Variants in TENM3 observed in about 807,000 individuals in gnomAD.
TENM3 encodes teneurin-3.
Under a neutral mutation model 255.1 loss-of-function variants are expected in TENM3, and 63 were observed. That is an observed-to-expected ratio of 0.25 (90% CI 0.20 to 0.30). The LOEUF is 0.30. Ranked by LOEUF, TENM3 falls within the 10% of genes least tolerant of loss-of-function variation. The probability of loss-of-function intolerance (pLI) is 1.00; values close to 1 mark genes in which losing one functional copy is unlikely to be tolerated. For missense variants in TENM3, 2,929 were observed against 3,461.1 expected (o/e 0.85, Z 3.86); for synonymous variants, 1,306 against 1,322.3 (o/e 0.99, Z 0.27).
the TENM3 span, among the ~76,000 whole-genome samples, chr4:182,100,628 C>CACACACATATATACACAT: frequency 0.095 from 3,477 of 36,696 alleles, 393 homozygotes; most frequent in South Asian, 0.16. Flanking sequence ...TATACACACA[C>CACACACATATATACACAT]ATATATACAC....
the TENM3 span, among the ~76,000 whole-genome samples, chr4:181,518,597 T>A: frequency 6.6e-6 from 1 of 152,098 alleles, no homozygotes; most frequent in Non-Finnish European, 1.5e-5. Context: ...CCGGATAATT[T>A]TTTGTATTTT....
the TENM3 span, among the ~76,000 whole-genome samples, chr4:181,974,285 C>T: frequency 1.3e-5 from 2 of 152,140 alleles, no homozygotes; most frequent in Admixed American, 6.5e-5. Flanking sequence ...GAATCAATGC[C>T]GGCCAGGTGC....
At chr4:182,389,741 A>G (rs1022141218) in intron 3 of TENM3, among the ~76,000 whole-genome samples, 8 of 131,580 alleles carry the variant, frequency 6.1e-5, no homozygotes, top group African/African-American at 1.4e-4. Flanking sequence ...GCTGGAGTGC[A>G]GTGGCGCGAT....
At chr4:181,944,755 C>A in the TENM3 span, among the ~76,000 whole-genome samples, 1 of 152,022 alleles carries the variant, frequency 6.6e-6, no homozygotes, top group Admixed American at 6.5e-5. Flanking sequence ...TTGCCGCCAA[C>A]GGGCCACCCT....
the TENM3 span, among the ~76,000 whole-genome samples, chr4:181,789,708 C>T: frequency 6.6e-6 from 1 of 152,070 alleles, no homozygotes; most frequent in South Asian, 2.1e-4. Flanking sequence ...GATGCAGGGT[C>T]AGGGCTGGAG....
At chr4:182,526,860 T>C (rs1052299040) in intron 3 of TENM3, among the ~76,000 whole-genome samples, 8 of 152,218 alleles carry the variant, frequency 5.3e-5, no homozygotes, top group Non-Finnish European at 8.8e-5. Flanking sequence ...GTCCTGAATC[T>C]ATGTGATGAT....
chr4:182,118,419 GT>G, the TENM3 span, among the ~76,000 whole-genome samples: 3 of 151,832 alleles, frequency 2.0e-5, no homozygotes, highest in Non-Finnish European at 2.9e-5. Flanking sequence ...AGCTGTAGGG[GT>G]TTTTTTGTAG....
At chr4:182,414,487 A>C (rs191823460) in intron 3 of TENM3, among the ~76,000 whole-genome samples, 3 of 152,212 alleles carry the variant, frequency 2.0e-5, no homozygotes, top group African/African-American at 7.2e-5. Flanking sequence ...CAGAAAAATT[A>C]GTTTTTAATA....
At chr4:182,075,787 A>G in the TENM3 span, among the ~76,000 whole-genome samples, 1 of 152,036 alleles carries the variant, frequency 6.6e-6, no homozygotes, top group African/African-American at 2.4e-5. Context: ...CTGCCGTCTC[A>G]CTCTACAAAG....
At chr4:181,807,684 G>A in the TENM3 span, among the ~76,000 whole-genome samples, 1 of 152,140 alleles carries the variant, frequency 6.6e-6, no homozygotes, top group Non-Finnish European at 1.5e-5. Flanking sequence ...ATATCTTCCA[G>A]TATAGGATTA....
the TENM3 span, among the ~76,000 whole-genome samples, chr4:181,939,348 C>G: frequency 3.3e-5 from 5 of 152,150 alleles, no homozygotes. Flanking sequence ...TGTAGCCTGT[C>G]TGTTCACCAA....
At chr4:182,321,402 G>T (rs1189090456) in intron 1 of TENM3, among the ~76,000 whole-genome samples, 1 of 152,166 alleles carries the variant, frequency 6.6e-6, no homozygotes, top group Non-Finnish European at 1.5e-5. Context: ...AAGGCAGGTG[G>T]ATCACCTGAG....
At chr4:182,050,064 C>T in the TENM3 span, among the ~76,000 whole-genome samples, 1 of 151,948 alleles carries the variant, frequency 6.6e-6, no homozygotes, top group South Asian at 2.1e-4. Context: ...ACAATCTCGG[C>T]TCCCTGCAAC....
chr4:181,725,534 G>T, the TENM3 span, among the ~76,000 whole-genome samples: 1 of 151,282 alleles, frequency 6.6e-6, no homozygotes, highest in African/African-American at 2.4e-5. Flanking sequence ...CACCTCCTGG[G>T]TTCACACCAT....
the TENM3 span, among the ~76,000 whole-genome samples, chr4:181,940,025 G>A: frequency 6.6e-6 from 1 of 152,188 alleles, no homozygotes; most frequent in Non-Finnish European, 1.5e-5. Context: ...CACGCTTTAT[G>A]CACATGTTCT....
Position 182,800,532 on chromosome 4 carries a change from G to A in TENM3, c.*181G>A. 4 of 688,686 alleles carry A rather than the reference G, an allele frequency of 5.8e-6. No homozygotes were observed. The highest frequency in any genetic ancestry group is 3.1e-5 in the East Asian group (1 of 32,406). 42.7% of individuals were successfully genotyped at this position (688,686 alleles called of 1,614,324 possible). On this transcript the variant is annotated 3_prime_UTR_variant, in exon 28 of 28. Coordinates refer to ENST00000511685, the MANE Select transcript of TENM3 (RefSeq NM_001080477.4). ...TTTCCGAATGACCTTAAAGGTGATCGGCTTTAACGAATATGTTTACATATG... is the reference window on the plus strand; with the variant it reads ...TTTCCGAATGACCTTAAAGGTGATCAGCTTTAACGAATATGTTTACATATG...
chr4:181,556,929 T>C, the TENM3 span, among the ~76,000 whole-genome samples: 1 of 152,180 alleles, frequency 6.6e-6, no homozygotes, highest in Non-Finnish European at 1.5e-5. Context: ...CTCTCCCAAC[T>C]CTTTGATTTC....
chr4:182,357,477 G>A (rs948512869), intron 3 of TENM3, among the ~76,000 whole-genome samples: 9 of 152,020 alleles, frequency 5.9e-5, no homozygotes, highest in Admixed American at 3.3e-4. Flanking sequence ...AGTGATGGTG[G>A]CATTTTTTCA....
chr4:181,504,516 T>C, the TENM3 span, among the ~76,000 whole-genome samples: 1 of 152,132 alleles, frequency 6.6e-6, no homozygotes, highest in Admixed American at 6.5e-5. Flanking sequence ...TCTCCTATTG[T>C]CTCCTCTACT....
Sources: gnomAD v4.1 joint callset for allele counts (sites outside exome capture counted in the v4.1 genomes callset) on GRCh38, gnomAD v4.1.1 for gene constraint, MANE v1.5 for transcripts, NCBI Gene and HGNC (gene_info 2026-07-23, HGNC 2026-07-21) for gene names.